The following AP1G1 variants were observed in gnomAD, a reference collection of about 807,000 sequenced individuals.
AP1G1 encodes AP-1 complex subunit gamma-1.
A neutral mutation model predicts 108.3 loss-of-function variants in AP1G1; 7 were observed. That is an observed-to-expected ratio of 0.06 (90% confidence interval 0.04 to 0.12). The LOEUF (loss-of-function observed/expected upper bound fraction) is 0.12. AP1G1 is among the 10% of genes least tolerant of loss of function. AP1G1 has a pLI of 1.00. For missense variants in AP1G1, 756 were observed against 1,010.7 expected (o/e 0.75, Z 3.42); for synonymous variants, 379 against 353.5 (o/e 1.07, Z -0.81).
intron 12 of AP1G1, among the ~76,000 whole-genome samples, chr16:71,754,593 T>A (rs1185998527): frequency 6.6e-6 from 1 of 152,100 alleles, no homozygotes; most frequent in Non-Finnish European, 1.5e-5. Flanking sequence ...GGCCAGGAGT[T>A]CCACACAAAC....
chr16:71,795,507 AAAG>A (rs1178344713), intron 1 of AP1G1, among the ~76,000 whole-genome samples: 6 of 152,190 alleles, frequency 3.9e-5, no homozygotes, highest in African/African-American at 1.4e-4. Context: ...AAAACCCTCC[AAAG>A]AAGTTACCAT....
chr16:71,806,133 A>G (rs775960316), intron 1 of AP1G1, among the ~76,000 whole-genome samples: 12 of 152,232 alleles, frequency 7.9e-5, no homozygotes, highest in Non-Finnish European at 1.5e-4. Flanking sequence ...CTGGGGTGAA[A>G]TATCACCAAG....
chr16:71,804,674 CT>C (rs2032937382), intron 1 of AP1G1, among the ~76,000 whole-genome samples: 1 of 152,176 alleles, frequency 6.6e-6, no homozygotes, highest in African/African-American at 2.4e-5. Flanking sequence ...TCCCAAAGTG[CT>C]GGGATTACAG....
intron 11 of AP1G1, 78 bp from the exon 12 acceptor site, chr16:71,756,237 G>A: frequency 7.4e-7 from 1 of 1,345,614 alleles, no homozygotes; most frequent in Non-Finnish European, 1.0e-6. Flanking sequence ...TGCACTCTGT[G>A]AACACCAAGT....
At chr16:71,779,089 A>C (rs1210988736) in intron 2 of AP1G1, among the ~76,000 whole-genome samples, 1 of 152,202 alleles carries the variant, frequency 6.6e-6, no homozygotes. Flanking sequence ...CTTTTACTTC[A>C]AACTCTTCTC....
intron 1 of AP1G1, among the ~76,000 whole-genome samples, chr16:71,807,386 C>T (rs981719360): frequency 1.3e-5 from 2 of 152,326 alleles, no homozygotes; most frequent in East Asian, 3.9e-4. Context: ...GAGCCGAGAC[C>T]GTGCCACTGC....
At chr16:71,786,933 AG>A (rs1300892226) in intron 2 of AP1G1, among the ~76,000 whole-genome samples, 1 of 151,326 alleles carries the variant, frequency 6.6e-6, no homozygotes, top group Non-Finnish European at 1.5e-5. Flanking sequence ...TGTGGTTCCC[AG>A]AAGGTCGAGG....
chr16:71,805,702 T>A (rs1290113751), intron 1 of AP1G1, among the ~76,000 whole-genome samples: 1 of 152,140 alleles, frequency 6.6e-6, no homozygotes, highest in Non-Finnish European at 1.5e-5. Flanking sequence ...AAAAATAATA[T>A]CTTGGAAAAT....
At chr16:71,805,042 G>A (rs536848328) in intron 1 of AP1G1, among the ~76,000 whole-genome samples, 1 of 151,850 alleles carries the variant, frequency 6.6e-6, no homozygotes, top group East Asian at 2.0e-4. Flanking sequence ...AAAATTGCTT[G>A]TTACTTATAA....
chr16:71,782,756 G>T (rs987844480), intron 2 of AP1G1, among the ~76,000 whole-genome samples: 1 of 151,000 alleles, frequency 6.6e-6, no homozygotes, highest in Admixed American at 6.6e-5. Flanking sequence ...AAAGTGCTGG[G>T]ATTACAGGTG....
At chr16:71,778,539 C>A (rs1195069450) in intron 2 of AP1G1, among the ~76,000 whole-genome samples, 2 of 151,984 alleles carry the variant, frequency 1.3e-5, no homozygotes, top group Admixed American at 1.3e-4. Context: ...AAAAATTAGC[C>A]AGGCGTAGCG....
At chr16:71,781,231 C>A (rs537647352) in intron 2 of AP1G1, among the ~76,000 whole-genome samples, 1 of 152,254 alleles carries the variant, frequency 6.6e-6, no homozygotes, top group African/African-American at 2.4e-5. Context: ...GTAGGCCTGA[C>A]AACATAAAAT....
rs187843025 is a variant in AP1G1, at chr16:71,773,769, C to G, written c.327-407G>C. Reference sequence around the variant, plus strand: ...ACCAGCCTGGCCAACATGGTGAAACCTCATCTCCACTAAAACTGTAAAAAT... The same window carrying G: ...ACCAGCCTGGCCAACATGGTGAAACGTCATCTCCACTAAAACTGTAAAAAT... On this transcript the variant is annotated intron_variant, in intron 3 of 22. Coordinates refer to ENST00000299980, the MANE Select transcript of AP1G1 (RefSeq NM_001128.6). Among the ~76,000 whole-genome samples, 4 of 151,952 alleles carry G rather than the reference C, an allele frequency of 2.6e-5. No homozygotes were observed. The East Asian group carries it at 7.9e-4, about 30-fold the overall frequency.
Position 71,768,655 on chromosome 16 carries a change from C to T in AP1G1, c.642+968G>A, listed in dbSNP as rs192363369. Among the ~76,000 whole-genome samples the T allele has an allele frequency of 5.9e-3, 890 of 151,604 alleles. 10 individuals are homozygous for T. The highest frequency in any genetic ancestry group is 0.02 in the African/African-American group (811 of 41,362). On this transcript the variant is annotated intron_variant, in intron 6 of 22. Transcript: ENST00000299980. The stretch of plus-strand genomic sequence containing the variant: ...AAAGAGCTGGGCGCGGTGGCTCACG[C>T]CTGTAATCACAGCACTTTGGGAGGC...
At chr16:71,777,536 C>T (rs1186425836) in intron 2 of AP1G1, 1 of 306,828 alleles carries the variant, frequency 3.3e-6, no homozygotes, top group Admixed American at 4.2e-5. Flanking sequence ...AGTGGCTGGA[C>T]TTGTCTGTTC....
At position 71,749,914 on chromosome 16, in the gene AP1G1, C is replaced by T; in HGVS notation, c.1477G>A (p.Glu493Lys). The T allele has an allele frequency of 6.2e-7, 1 of 1,611,000 alleles. No individual in the cohort carries two copies. Among genetic ancestry groups the T allele is most frequent in the Non-Finnish European group, 8.5e-7 (1 of 1,177,202 alleles). Residue 493 changes from glutamate (E) to lysine (K), a missense_variant, in exon 15 of 23, where the codon GAA becomes AAA. Physicochemically the swap from Glu to Lys is moderately conservative, Grantham distance 56 (BLOSUM62 1). Around this residue, in one of 3 missense-constraint regions of AP1G1, gnomAD observed 357 missense variants for 366.5 expected, o/e 0.97. Coordinates refer to ENST00000299980, the MANE Select transcript of AP1G1 (RefSeq NM_001128.6). ...YGDLLVSGQC[E>K]EEEPIQVTED... is the part of the protein sequence containing the mutation. ...AGTACCTGAATAGGCTCTTCCTCTT[C>T]ACACTGGCCAGATACAAGAAGATCA...
intron 12 of AP1G1, 101 bp downstream of exon 12, chr16:71,755,918 G>C (rs2145448588): frequency 1.5e-6 from 2 of 1,301,416 alleles, no homozygotes; most frequent in Non-Finnish European, 2.1e-6. Flanking sequence ...TGCTGAGACT[G>C]CAGGCGTGTG....
intron 22 of AP1G1, 76 bp downstream of exon 22, chr16:71,734,533 G>A (rs2045509811): frequency 3.9e-6 from 5 of 1,268,806 alleles, no homozygotes; most frequent in Non-Finnish European, 5.7e-6. Context: ...AAAACCTAAA[G>A]AAACAAAGCA....
At chr16:71,786,193 ACCC>A (rs1298652684) in intron 2 of AP1G1, among the ~76,000 whole-genome samples, 1 of 152,130 alleles carries the variant, frequency 6.6e-6, no homozygotes, top group Non-Finnish European at 1.5e-5. Flanking sequence ...GTCCCAAAAT[ACCC>A]CCAAATGCCA....
Sources: allele counts gnomAD v4.1 joint callset (sites outside exome capture counted in the v4.1 genomes callset), GRCh38; gene constraint gnomAD v4.1.1; regional missense constraint gnomAD v4.1.1; transcripts MANE v1.5; gene names NCBI Gene and HGNC (gene_info 2026-07-23, HGNC 2026-07-21).